Variants in RABEP1 observed in about 807,000 individuals in gnomAD.
The protein encoded by RABEP1 is rab GTPase-binding effector protein 1.
Under a neutral mutation model 123.4 loss-of-function variants are expected in RABEP1, and 51 were observed. The ratio of observed to expected loss-of-function variants is 0.41; its 90% CI spans 0.33 to 0.52. The LOEUF is 0.52. RABEP1 is among the 20% of genes least tolerant of loss of function. The pLI is 0.16. For missense variants in RABEP1, 888 were observed against 996.3 expected, an observed-to-expected ratio of 0.89 and a Z score of 1.46; for synonymous variants, 347 against 355.2, an observed-to-expected ratio of 0.98 and a Z score of 0.26.
Position 5,323,703 on chromosome 17 carries a change from A to AATAT in RABEP1, c.164-8235_164-8232dup, listed in dbSNP as rs140822514. ...ATATATATATATATCTCTCTCTAGG[A>AATAT]ATATATATATATATCTAGGAATATA... On this transcript the variant is annotated intron_variant, in intron 2 of 17. Transcript: ENST00000537505. Among the ~76,000 whole-genome samples the AATAT allele has an allele frequency of 7.8e-4, 35 of 44,764 alleles. 6 individuals are homozygous for AATAT. The highest frequency in any genetic ancestry group is 7.3e-3 in the African/African-American group (35 of 4,796). 29.4% of individuals were successfully genotyped at this position (44,764 alleles called of 152,430 possible). A position where few individuals can be genotyped will look rare whatever the true frequency, so the allele number is the denominator to read the frequency against.
chr17:5,382,414 G>A (rs886078989), intron 17 of RABEP1, among the ~76,000 whole-genome samples: 1 of 151,732 alleles, frequency 6.6e-6, no homozygotes, highest in Non-Finnish European at 1.5e-5. Flanking sequence ...TTGGGAGTCA[G>A]GTCTCATTTG....
At chr17:5,300,564 A>C (rs920457745) in intron 1 of RABEP1, among the ~76,000 whole-genome samples, 3 of 152,190 alleles carry the variant, frequency 2.0e-5, no homozygotes, top group Admixed American at 6.5e-5. Context: ...GAAGGAAGTC[A>C]GTATGTGCTC....
intron 2 of RABEP1, among the ~76,000 whole-genome samples, chr17:5,313,617 T>G (rs948335264): frequency 2.9e-4 from 44 of 152,326 alleles, no homozygotes; most frequent in African/African-American, 1.0e-3. Flanking sequence ...GCTTGTAACA[T>G]GGGTTGGTTC....
intron 8 of RABEP1, 30 bp from the exon 9 acceptor site, chr17:5,361,178 A>G (rs779019749): frequency 2.5e-5 from 39 of 1,576,580 alleles, no homozygotes; most frequent in Non-Finnish European, 3.2e-5. Context: ...AGAATTGTCT[A>G]ACTTGGCCAT....
intron 3 of RABEP1, among the ~76,000 whole-genome samples, chr17:5,334,843 T>C (rs561993189): frequency 3.7e-4 from 56 of 152,316 alleles, no homozygotes; most frequent in Non-Finnish European, 4.4e-4. Flanking sequence ...CATAGTATAG[T>C]GTCTAAGAAC....
chr17:5,310,992 T>C (rs1025331232), intron 2 of RABEP1, among the ~76,000 whole-genome samples: 1 of 152,012 alleles, frequency 6.6e-6, no homozygotes, highest in Non-Finnish European at 1.5e-5. Context: ...GTATTTCTAG[T>C]AGAGACGGGG....
chr17:5,382,413 A>T (rs1305327141), intron 17 of RABEP1, among the ~76,000 whole-genome samples: 1 of 151,746 alleles, frequency 6.6e-6, no homozygotes, highest in Non-Finnish European at 1.5e-5. Flanking sequence ...ATTGGGAGTC[A>T]GGTCTCATTT....
chr17:5,325,045 G>C (rs1905833306), intron 2 of RABEP1, among the ~76,000 whole-genome samples: 1 of 152,132 alleles, frequency 6.6e-6, no homozygotes, highest in African/African-American at 2.4e-5. Flanking sequence ...GGGCATGGTG[G>C]CTCATGCCTA....
At chr17:5,335,516 C>G (rs1906989226) in intron 4 of RABEP1, among the ~76,000 whole-genome samples, 172 bp downstream of exon 4, 1 of 152,144 alleles carries the variant, frequency 6.6e-6, no homozygotes, top group Non-Finnish European at 1.5e-5. Flanking sequence ...GGCTAACTCT[C>G]TCACCTTCTT....
At chr17:5,325,349 A>G (rs900258512) in intron 2 of RABEP1, among the ~76,000 whole-genome samples, 7 of 151,998 alleles carry the variant, frequency 4.6e-5, no homozygotes, top group African/African-American at 9.7e-5. Flanking sequence ...CAAAAAAAAA[A>G]GGAAAGAATG....
In RABEP1 at chr17:5,282,532, A is replaced by G; in HGVS notation, c.34+12A>G. ...TTCCCAGCCTGACGGTGAGGCGCCC[A>G]CCATGGCAGGCGCGGCGGGCGCGGC... On this transcript the variant is annotated intron_variant, in intron 1 of 17. Transcript: ENST00000537505. The G allele has an allele frequency of 8.3e-7, 1 of 1,206,672 alleles. No individual in the cohort carries two copies. Among genetic ancestry groups the G allele is most frequent in the Non-Finnish European group, 1.0e-6 (1 of 968,392 alleles). 74.7% of individuals were successfully genotyped at this position (1,206,672 alleles called of 1,614,324 possible).
chr17:5,350,673 C>T (rs749442873), intron 7 of RABEP1, 44 bp downstream of exon 7: 76 of 1,589,296 alleles, frequency 4.8e-5, no homozygotes, highest in Non-Finnish European at 6.3e-5. Flanking sequence ...TCAGTAATGT[C>T]CCCCACCACA....
chr17:5,360,845 G>A (rs1464399236), intron 8 of RABEP1: 1 of 232,552 alleles, frequency 4.3e-6, no homozygotes, highest in Non-Finnish European at 8.5e-6. Context: ...ACACTGAATT[G>A]CAGGTGACGT....
intron 8 of RABEP1, chr17:5,356,649 CTT>C (rs545704829): frequency 3.8e-4 from 50 of 133,186 alleles, no homozygotes; most frequent in East Asian, 8.2e-4. Context: ...TAACATATTT[CTT>C]TTTTTTTTTT....
chr17:5,381,398 G>T lies in RABEP1; in HGVS notation c.2380G>T (p.Glu794Ter). Residue 794 changes from glutamate (E) to a stop codon, truncating the protein, a stop_gained, in exon 17 of 18, where the codon GAA becomes TAA. Transcript: ENST00000537505. LOFTEE classifies it high-confidence loss of function. ...AACTTGTATTTTTTAGGCTACCGTT[G>T]AACAACTAATGTTTGAAGAGAAGAA... is the stretch of plus-strand genomic sequence containing the variant. ...KKETAAKATVEQLMFEEKNKA... is the reference protein window; with the variant it reads ...KKETAAKATV The T allele has an allele frequency of 6.2e-7, 1 of 1,610,660 alleles. No individual in the cohort carries two copies. Among genetic ancestry groups the T allele is most frequent in the South Asian group, 1.1e-5 (1 of 89,992 alleles).
intron 10 of RABEP1, among the ~76,000 whole-genome samples, chr17:5,364,773 G>A (rs977259698): frequency 4.6e-5 from 7 of 151,940 alleles, no homozygotes; most frequent in African/African-American, 1.7e-4. Context: ...TTTAAGTAGG[G>A]AAATTATATT....
intron 1 of RABEP1, among the ~76,000 whole-genome samples, chr17:5,298,335 T>C (rs2075101952): frequency 6.6e-6 from 1 of 152,192 alleles, no homozygotes; most frequent in Non-Finnish European, 1.5e-5. Flanking sequence ...ATTTGATTCG[T>C]TTTACGGTAT....
At chr17:5,310,388 C>G (rs1168626312) in intron 2 of RABEP1, among the ~76,000 whole-genome samples, 2 of 146,782 alleles carry the variant, frequency 1.4e-5, no homozygotes, top group Non-Finnish European at 3.0e-5. Flanking sequence ...TATCTCAGCT[C>G]ACTACAACCT....
intron 1 of RABEP1, among the ~76,000 whole-genome samples, chr17:5,290,632 G>A (rs1367720820): frequency 1.1e-4 from 16 of 151,894 alleles, no homozygotes; most frequent in Admixed American, 9.8e-4. Context: ...TTTCTCTGTT[G>A]CCCATGCTAA....
Sources: allele counts gnomAD v4.1 joint callset (sites outside exome capture counted in the v4.1 genomes callset), GRCh38; gene constraint gnomAD v4.1.1; transcripts MANE v1.5; gene names NCBI Gene and HGNC (gene_info 2026-07-23, HGNC 2026-07-21).